CELF2: variants seen among roughly 807,000 people sequenced by gnomAD.
CELF2 encodes CUG triplet repeat RNA-binding protein 2.
CELF2 carries 8 observed loss-of-function variants against 62.6 expected under a neutral mutation model. The observed-to-expected ratio is 0.13, with a 90% CI of 0.07 to 0.23. The LOEUF (loss-of-function observed/expected upper bound fraction) is 0.23. Among genes scored for constraint, CELF2 ranks in the 10% least tolerant of loss-of-function variants. The pLI is 1.00. For synonymous variants in CELF2, 258 were observed against 250.0 expected (o/e 1.03, Z -0.30); for missense variants, 333 against 671.0 (o/e 0.50, Z 5.56).
Position 11,282,271 on chromosome 10 carries a change from G to A in CELF2, c.842-6147G>A, listed in dbSNP as rs575462872. Among the ~76,000 whole-genome samples, 5 of 152,300 alleles carry A rather than the reference G, an allele frequency of 3.3e-5. No individual in the cohort carries two copies. The South Asian group carries it at 1.0e-3, about 32-fold the overall frequency. ...GGAAGAGGTCAGAACAGCTCCAGAT[G>A]GGGACCGAGAGGGCAGAGGGCAGCC... On this transcript the variant is annotated intron_variant, in intron 8 of 12. Coordinates refer to ENST00000633077, the MANE Select transcript of CELF2 (RefSeq NM_001326342.2).
intron 9 of CELF2, among the ~76,000 whole-genome samples, chr10:11,313,007 G>T (rs530943949): frequency 1.1e-4 from 17 of 152,284 alleles, no homozygotes; most frequent in Admixed American, 7.8e-4. Context: ...AATACCCCTA[G>T]TAAAAGACTT....
At chr10:10,589,866 C>T in the CELF2 span, among the ~76,000 whole-genome samples, 1 of 152,200 alleles carries the variant, frequency 6.6e-6, no homozygotes, top group African/African-American at 2.4e-5. Flanking sequence ...CATCATGCTG[C>T]TTCTAAAACC....
chr10:10,667,923 T>C, the CELF2 span, among the ~76,000 whole-genome samples: 1 of 152,178 alleles, frequency 6.6e-6, no homozygotes, highest in Non-Finnish European at 1.5e-5. Context: ...ACCAGCAAAA[T>C]CCCTTTGACT....
At chr10:11,048,811 G>A (rs1554798765) in intron 1 of CELF2, among the ~76,000 whole-genome samples, 1 of 152,222 alleles carries the variant, frequency 6.6e-6, no homozygotes, top group South Asian at 2.1e-4. Flanking sequence ...GAATTAGTTG[G>A]TTAAAAACTC....
the CELF2 span, among the ~76,000 whole-genome samples, chr10:10,765,954 G>A: frequency 2.0e-5 from 3 of 152,266 alleles, no homozygotes; most frequent in East Asian, 1.9e-4. Flanking sequence ...AGACACAAGC[G>A]CACTGGGCCA....
the CELF2 span, among the ~76,000 whole-genome samples, chr10:10,663,759 C>T: frequency 6.6e-6 from 1 of 152,172 alleles, no homozygotes; most frequent in African/African-American, 2.4e-5. Flanking sequence ...GAATATCCAT[C>T]CAAGATGAAT....
upstream of CELF2, among the ~76,000 whole-genome samples, chr10:11,001,509 TTCTTCTGGAAATTAC>T (rs1212134462): frequency 6.6e-6 from 1 of 152,240 alleles, no homozygotes; most frequent in African/African-American, 2.4e-5. Context: ...ATTTAGCTCT[TTCTTCTGGAAATTAC>T]CTATAACAGA....
chr10:11,144,100 A>G (rs1414223183), intron 1 of CELF2, among the ~76,000 whole-genome samples: 2 of 152,092 alleles, frequency 1.3e-5, no homozygotes, highest in Non-Finnish European at 2.9e-5. Context: ...TATGGACATT[A>G]TCTAGTGAAA....
At chr10:10,942,781 G>C (rs528251230) in intron 2 of CELF2, among the ~76,000 whole-genome samples, 1 of 152,280 alleles carries the variant, frequency 6.6e-6, no homozygotes, top group South Asian at 2.1e-4. Context: ...AGTTATTTTT[G>C]ATGCAATAAA....
chr10:10,588,350 C>T, the CELF2 span, among the ~76,000 whole-genome samples: 5 of 152,196 alleles, frequency 3.3e-5, no homozygotes, highest in Non-Finnish European at 5.9e-5. Flanking sequence ...TAGCTCCAAC[C>T]TTGTCCCACA....
the CELF2 span, among the ~76,000 whole-genome samples, chr10:10,647,322 C>T: frequency 6.6e-6 from 1 of 152,186 alleles, no homozygotes; most frequent in Non-Finnish European, 1.5e-5. Flanking sequence ...GAACCCACTG[C>T]CCGCCCGCTC....
chr10:11,233,477 C>T (rs1310799494), intron 3 of CELF2, among the ~76,000 whole-genome samples: 2 of 152,172 alleles, frequency 1.3e-5, no homozygotes, highest in Non-Finnish European at 2.9e-5. Flanking sequence ...TGCTGCCAGC[C>T]AAATGTTTAT....
intron 2 of CELF2, among the ~76,000 whole-genome samples, chr10:10,933,279 G>C (rs2066279342): frequency 6.6e-6 from 1 of 152,120 alleles, no homozygotes; most frequent in Non-Finnish European, 1.5e-5. Flanking sequence ...CTCCAGCCTA[G>C]GTGACAGACT....
exon 1 of CELF2, chr10:10,798,655 G>T (rs911072164): frequency 2.0e-5 from 8 of 398,260 alleles, no homozygotes; most frequent in East Asian, 3.6e-5. Flanking sequence ...GGGAAGGAGG[G>T]AGCCGCGGGG....
intron 1 of CELF2, among the ~76,000 whole-genome samples, chr10:11,079,760 G>T (rs573056455): frequency 7.2e-5 from 10 of 138,220 alleles, no homozygotes; most frequent in African/African-American, 2.0e-4. Context: ...CCCTTTTTAG[G>T]CCATGGAATC....
Position 11,303,087 on chromosome 10 carries a change from A to AG in CELF2, c.977-11052_977-11051insG, listed in dbSNP as rs558837664. ...AGTGCCTCAGAGGTGGCCCAGCGGA[A>AG]ACTTCTTCCCTAGCCGGCTCTCCTC... On this transcript the variant is annotated intron_variant, in intron 9 of 12. Transcript: ENST00000633077. Among the ~76,000 whole-genome samples the AG allele has an allele frequency of 3.8e-3, 572 of 152,270 alleles. 3 individuals are homozygous for AG. The highest frequency in any genetic ancestry group is 0.013 in the African/African-American group (546 of 41,542).
At chr10:11,181,746 A>C (rs994801603) in intron 2 of CELF2, among the ~76,000 whole-genome samples, 1 of 152,212 alleles carries the variant, frequency 6.6e-6, no homozygotes, top group African/African-American at 2.4e-5. Flanking sequence ...GGGCTGTTTT[A>C]GTCCATTGGT....
rs1374349584 is a variant in CELF2 at position 10,993,151 on chromosome 10, T to C, written c.89+73152T>C. Among the ~76,000 whole-genome samples the C allele has an allele frequency of 2.0e-5, 3 of 152,042 alleles. No homozygotes were observed. The highest frequency in any genetic ancestry group is 4.4e-5 in the Non-Finnish European group (3 of 68,006). On this transcript the variant is annotated intron_variant, in intron 2 of 13. Coordinates refer to the CELF2 transcript ENST00000636488. This position sits in a 1 kb window ranked among gnomAD's most constrained non-coding sequence, Gnocchi z 5.3. ...CCGAAGAGGCGAGTCAGCAGATCAG[T>C]AATAAGGTGTATGAGCTACAAAATA...
At chr10:11,130,732 A>G (rs1418270050) in intron 1 of CELF2, among the ~76,000 whole-genome samples, 2 of 152,246 alleles carry the variant, frequency 1.3e-5, no homozygotes, top group African/African-American at 4.8e-5. Context: ...ATGCTATGCC[A>G]ATAATTGTTG....
Sources: allele counts gnomAD v4.1 joint callset (sites outside exome capture counted in the v4.1 genomes callset), GRCh38; gene constraint gnomAD v4.1.1; non-coding constraint Gnocchi (gnomAD v3.1); transcripts MANE v1.5; gene names NCBI Gene and HGNC (gene_info 2026-07-23, HGNC 2026-07-21).